Variants in STAU1 observed in about 807,000 individuals in gnomAD.
STAU1 encodes double-stranded RNA-binding protein Staufen homolog 1.
In STAU1, 13 loss-of-function variants were observed where a neutral mutation model predicts 62.9. The observed-to-expected ratio is 0.21, with a 90% CI of 0.13 to 0.33. The LOEUF (loss-of-function observed/expected upper bound fraction) is 0.33. Among genes scored for constraint, STAU1 ranks in the 10% least tolerant of loss-of-function variants. STAU1 has a pLI of 1.00. For missense variants in STAU1, 571 were observed against 712.1 expected, an observed-to-expected ratio of 0.80 and a Z score of 2.25; for synonymous variants, 269 against 265.1, an observed-to-expected ratio of 1.01 and a Z score of -0.14.
chr20:49,171,904 T>C (rs2093602155), intron 2 of STAU1, among the ~76,000 whole-genome samples: 2 of 143,514 alleles, frequency 1.4e-5, no homozygotes, highest in South Asian at 4.4e-4. Context: ...AAAAGAAATA[T>C]GACCAAACTA....
intron 3 of STAU1, chr20:49,158,383 T>G: frequency 3.4e-6 from 4 of 1,186,262 alleles, no homozygotes; most frequent in Non-Finnish European, 4.5e-6. Context: ...AAACCTGGAT[T>G]TCAGTATGTC....
rs1205056351 is a variant in STAU1 at position 49,117,044 on chromosome 20, C to A, written c.1632+82G>T. The A allele has an allele frequency of 1.3e-6, 2 of 1,551,406 alleles. No homozygotes were observed. Among genetic ancestry groups the A allele is most frequent in the Admixed American group, 1.8e-5 (1 of 54,166 alleles). On this transcript the variant is annotated intron_variant, in intron 12 of 13. Coordinates refer to ENST00000371856, the MANE Select transcript of STAU1 (RefSeq NM_017453.4). This position sits in a 1 kb window ranked among gnomAD's most constrained non-coding sequence, Gnocchi z 4.6. ...ATGGGACAATCTTTCTCCCATCTTCCTCAGGCTAGTAACAAGCTGAACCAA... is the reference window on the plus strand; with the variant it reads ...ATGGGACAATCTTTCTCCCATCTTCATCAGGCTAGTAACAAGCTGAACCAA...
At chr20:49,182,034 T>C (rs2146592235) in intron 1 of STAU1, among the ~76,000 whole-genome samples, 1 of 152,308 alleles carries the variant, frequency 6.6e-6, no homozygotes, top group Admixed American at 6.5e-5. Context: ...GGTTACAGAT[T>C]TGATATTCAG....
chr20:49,132,227 C>T (rs2092766293), intron 6 of STAU1, among the ~76,000 whole-genome samples: 1 of 152,118 alleles, frequency 6.6e-6, no homozygotes, highest in Non-Finnish European at 1.5e-5. Flanking sequence ...CAGTGCTTTC[C>T]CTGTCCTCAG....
chr20:49,206,751 A>T, the STAU1 span, among the ~76,000 whole-genome samples: 523 of 95,008 alleles, frequency 5.5e-3, 6 homozygotes, highest in Middle Eastern at 0.023. Context: ...ATATATATAT[A>T]TTTTATTTTA....
rs540577779 is a variant in STAU1 at position 49,115,943 on chromosome 20, A to G, written c.1633-76T>C. 1.6e-6 allele frequency: 2 copies of G among 1,288,526 alleles called. 1 individual carries two copies. The highest frequency in any genetic ancestry group is 2.5e-5 in the South Asian group (2 of 81,174). The allele number at this position is 1,288,526 out of a possible 1,614,324, so 79.8% of individuals were successfully genotyped here. A position where few individuals can be genotyped will look rare whatever the true frequency, so the allele number is the denominator to read the frequency against. On this transcript the variant is annotated intron_variant, in intron 12 of 13. Transcript: ENST00000371856. Reference sequence around the variant, plus strand: ...AGCATAATACACTGGTCAGGCAGGCAAGAGAGTTCCTGCTGCCCAGCAAAC... The same window carrying G: ...AGCATAATACACTGGTCAGGCAGGCGAGAGAGTTCCTGCTGCCCAGCAAAC...
chr20:49,153,403 A>T (rs1332371915), intron 4 of STAU1, among the ~76,000 whole-genome samples: 2 of 51,202 alleles, frequency 3.9e-5, no homozygotes, highest in South Asian at 6.2e-4. Flanking sequence ...TCAATGAATT[A>T]AAAAAAAAAA....
Position 49,153,906 on chromosome 20 carries a change from CAAAAAAAAAA to C in STAU1, c.344+17_344+26del, listed in dbSNP as rs3092191. On this transcript the variant is annotated intron_variant, in intron 4 of 13. Transcript: ENST00000371856. The stretch of plus-strand genomic sequence containing the variant: ...CAGACACGTTTTCTCCTGTATTTTA[CAAAAAAAAAA>C]AAAAAAAAACACATACCTCGGGGGA... 1.4e-5 allele frequency: 19 copies of C among 1,372,616 alleles called. No homozygotes were observed. The highest frequency in any genetic ancestry group is 1.5e-5 in the South Asian group (1 of 66,458). The allele number at this position is 1,372,616 out of a possible 1,614,324, so 85.0% of individuals were successfully genotyped here. A position where few individuals can be genotyped will look rare whatever the true frequency, so the allele number is the denominator to read the frequency against.
At chr20:49,173,353 A>G (rs2093621405) in intron 2 of STAU1, among the ~76,000 whole-genome samples, 1 of 152,072 alleles carries the variant, frequency 6.6e-6, no homozygotes, top group Non-Finnish European at 1.5e-5. Flanking sequence ...GCTACTTGGG[A>G]GGCTGAGGCA....
intron 1 of STAU1, among the ~76,000 whole-genome samples, chr20:49,182,249 C>G (rs1233646745): frequency 1.3e-5 from 2 of 152,202 alleles, no homozygotes; most frequent in Non-Finnish European, 2.9e-5. Flanking sequence ...ACTGTTACAT[C>G]AACCTTATTC....
intron 5 of STAU1, among the ~76,000 whole-genome samples, chr20:49,136,208 G>A (rs1600682821): frequency 6.6e-6 from 1 of 152,334 alleles, no homozygotes; most frequent in South Asian, 2.1e-4. Flanking sequence ...GGCTGAGGCA[G>A]GAGCATTGCT....
Position 49,173,285 on chromosome 20 carries a change from C to G in STAU1, c.-85+910G>C, listed in dbSNP as rs2093620534. ...CCAGCCTGACCAACACGGTGAAACC[C>G]TGTCTCTACTAAAAATACAAAATTA... On this transcript the variant is annotated intron_variant, in intron 2 of 13. Coordinates refer to ENST00000371856, the MANE Select transcript of STAU1 (RefSeq NM_017453.4). Among the ~76,000 whole-genome samples the G allele has an allele frequency of 2.0e-5, 3 of 152,044 alleles. No homozygotes were observed. In the South Asian group the frequency reaches 6.2e-4, roughly 32 times the overall value.
chr20:49,195,591 A>G, the STAU1 span, among the ~76,000 whole-genome samples: 2 of 142,424 alleles, frequency 1.4e-5, no homozygotes, highest in African/African-American at 2.5e-5. Flanking sequence ...TGGGAAAGGA[A>G]AAACAAATGG....
intron 6 of STAU1, among the ~76,000 whole-genome samples, chr20:49,126,760 G>A (rs569442379): frequency 2.7e-4 from 41 of 151,834 alleles, no homozygotes; most frequent in South Asian, 2.3e-3. Context: ...AAAAAGACCT[G>A]CACATATAAG....
At position 49,154,065 on chromosome 20, in the gene STAU1, A is replaced by C; in HGVS notation, c.212T>G (p.Ile71Arg). ...ITSTSAAAES[I>R]TPTVELNALC... Reference sequence around the variant, plus strand: ...TGCATTTAGTTCTACAGTAGGGGTTATGCTTTCTGCAAGAAAGAATCGACA... The same window carrying C: ...TGCATTTAGTTCTACAGTAGGGGTTCTGCTTTCTGCAAGAAAGAATCGACA... The change falls in exon 4 of 14, where the codon ATA becomes AGA. Residue 71 changes from isoleucine (I) to arginine (R), a missense_variant. Transcript: ENST00000371856. 6.3e-7 allele frequency: 1 copy of C among 1,596,478 alleles called. No individual in the cohort carries two copies. The highest frequency in any genetic ancestry group is 8.5e-7 in the Non-Finnish European group (1 of 1,175,668).
chr20:49,210,281 C>T, the STAU1 span, among the ~76,000 whole-genome samples: 1 of 151,986 alleles, frequency 6.6e-6, no homozygotes, highest in African/African-American at 2.4e-5. Flanking sequence ...AAGGGGTGGA[C>T]ACTACATATC....
chr20:49,168,021 T>A (rs1301572119), intron 2 of STAU1, among the ~76,000 whole-genome samples: 1 of 152,176 alleles, frequency 6.6e-6, no homozygotes, highest in East Asian at 1.9e-4. Flanking sequence ...GACCAAGGGA[T>A]TTTTGGTTAA....
chr20:49,149,966 T>A (rs2093214166), intron 5 of STAU1, among the ~76,000 whole-genome samples: 1 of 152,200 alleles, frequency 6.6e-6, no homozygotes, highest in South Asian at 2.1e-4. Flanking sequence ...TGAACATGTT[T>A]CCTGGTGAAG....
chr20:49,161,533 A>T (rs2093448370), intron 3 of STAU1, among the ~76,000 whole-genome samples: 1 of 152,188 alleles, frequency 6.6e-6, no homozygotes, highest in Admixed American at 6.6e-5. Context: ...GTGGGTTATA[A>T]ATGCACAAGC....
Sources: gnomAD v4.1 joint callset for allele counts (sites outside exome capture counted in the v4.1 genomes callset) on GRCh38, gnomAD v4.1.1 for gene constraint, Gnocchi (gnomAD v3.1) non-coding constraint, MANE v1.5 for transcripts, NCBI Gene and HGNC (gene_info 2026-07-23, HGNC 2026-07-21) for gene names.